The following KDM4C variants were observed in gnomAD, a reference collection of about 807,000 sequenced individuals.
KDM4C encodes the protein lysine demethylase 4C, also known as lysine-specific demethylase 4C.
In KDM4C, 81 loss-of-function variants were observed where a neutral mutation model predicts 129.3. That is an observed-to-expected ratio of 0.63 (90% CI 0.52 to 0.75). The LOEUF is 0.75. Ranked by LOEUF, KDM4C falls within the 30% of genes least tolerant of loss-of-function variation. KDM4C has a pLI of 0.00. For missense variants in KDM4C, 1,457 were observed against 1,304.0 expected (o/e 1.12, Z -1.81); for synonymous variants, 573 against 456.1 (o/e 1.26, Z -3.26).
chr9:7,137,919 C>T (rs981355378), intron 19 of KDM4C, among the ~76,000 whole-genome samples: 1 of 152,166 alleles, frequency 6.6e-6, no homozygotes, highest in Non-Finnish European at 1.5e-5. Flanking sequence ...GATTCTTATT[C>T]GATAGATATA....
intron 4 of KDM4C, among the ~76,000 whole-genome samples, chr9:6,815,420 G>A (rs546290504): frequency 6.6e-6 from 1 of 151,768 alleles, no homozygotes; most frequent in South Asian, 2.1e-4. Flanking sequence ...TCAGTATATT[G>A]CCCTGGCTGG....
At chr9:7,088,278 A>T (rs920193319) in intron 17 of KDM4C, among the ~76,000 whole-genome samples, 3 of 152,248 alleles carry the variant, frequency 2.0e-5, no homozygotes, top group African/African-American at 7.2e-5. Context: ...AATGGGACCT[A>T]GGAGAAATGC....
chr9:7,021,585 G>A (rs1824870542), intron 15 of KDM4C, among the ~76,000 whole-genome samples: 1 of 152,102 alleles, frequency 6.6e-6, no homozygotes, highest in African/African-American at 2.4e-5. Context: ...TGGGTAGTTT[G>A]CAAATGTTTT....
chr9:6,766,280 C>G (rs1820609459), intron 1 of KDM4C, among the ~76,000 whole-genome samples: 1 of 152,076 alleles, frequency 6.6e-6, no homozygotes, highest in Non-Finnish European at 1.5e-5. Context: ...CTTTGAGTGT[C>G]ATGTTTGCCC....
At position 7,127,963 on chromosome 9, in the gene KDM4C, G is replaced by T. The variant is rs1053487792; in HGVS notation, c.2611-103G>T. On this transcript the variant is annotated intron_variant, in intron 18 of 21. Coordinates refer to ENST00000381309, the MANE Select transcript of KDM4C (RefSeq NM_015061.6). ...TTAAAAATTTTTTTTTTAAATCTTG[G>T]CCAAATAAATGATTGTTTTTCAAAT... 1.0e-5 allele frequency: 11 copies of T among 1,071,840 alleles called. No individual in the cohort carries two copies. In the Admixed American group the frequency reaches 1.2e-4, roughly 11 times the overall value. The allele number at this position is 1,071,840 out of a possible 1,614,324, so 66.4% of individuals were successfully genotyped here. A position where few individuals can be genotyped will look rare whatever the true frequency, so the allele number is the denominator to read the frequency against.
intron 4 of KDM4C, among the ~76,000 whole-genome samples, chr9:6,827,948 T>C (rs1005807761): frequency 1.3e-5 from 2 of 152,210 alleles, no homozygotes; most frequent in African/African-American, 2.4e-5. Context: ...ACAGCTTTAT[T>C]GGTCACATTG....
At chr9:7,156,646 A>G (rs1299107936) in intron 19 of KDM4C, among the ~76,000 whole-genome samples, 3 of 152,202 alleles carry the variant, frequency 2.0e-5, no homozygotes, top group African/African-American at 7.2e-5. Flanking sequence ...CAGGTTTGTC[A>G]AAGATCAGAT....
chr9:7,014,915 A>AACACACACACAC (rs55864882), intron 14 of KDM4C, among the ~76,000 whole-genome samples: 218 of 146,276 alleles, frequency 1.5e-3, no homozygotes, highest in African/African-American at 4.2e-3. Context: ...GGCAATTTGT[A>AACACACACACAC]ACACACACAC....
At chr9:7,138,174 T>C (rs187053514) in intron 19 of KDM4C, among the ~76,000 whole-genome samples, 35 of 152,304 alleles carry the variant, frequency 2.3e-4, no homozygotes, top group African/African-American at 7.7e-4. Context: ...TTTTTGTCCT[T>C]CAGTTTCTAA....
At chr9:7,158,345 T>C (rs1843414454) in intron 19 of KDM4C, among the ~76,000 whole-genome samples, 1 of 152,008 alleles carries the variant, frequency 6.6e-6, no homozygotes, top group Admixed American at 6.6e-5. Flanking sequence ...GGGTTTTTTG[T>C]GTCTCTATCT....
At chr9:6,966,144 C>G (rs967744157) in intron 8 of KDM4C, among the ~76,000 whole-genome samples, 3 of 152,048 alleles carry the variant, frequency 2.0e-5, no homozygotes, top group African/African-American at 7.2e-5. Context: ...ATTTAGACAC[C>G]TTAAGATTAA....
Position 6,971,451 on chromosome 9 carries a change from A to G in KDM4C, c.922-9474A>G, listed in dbSNP as rs562549518. ...TGGACTGATCAATGAATCTCTGTAG[A>G]GTAAAAATACACCTGATCGTACCAA... On this transcript the variant is annotated intron_variant, in intron 8 of 21. Coordinates refer to ENST00000381309, the MANE Select transcript of KDM4C (RefSeq NM_015061.6). Among the ~76,000 whole-genome samples the G allele has an allele frequency of 4.7e-3, 713 of 152,322 alleles. 6 individuals carry two copies. The highest frequency in any genetic ancestry group is 8.1e-3 in the Non-Finnish European group (550 of 68,032).
intron 8 of KDM4C, among the ~76,000 whole-genome samples, chr9:6,902,093 G>T (rs1297734109): frequency 6.6e-6 from 1 of 152,142 alleles, no homozygotes; most frequent in Non-Finnish European, 1.5e-5. Flanking sequence ...GGGTTCTTCT[G>T]CATCTTCTAT....
At chr9:7,097,982 G>A (rs1295721057) in intron 17 of KDM4C, among the ~76,000 whole-genome samples, 1 of 152,182 alleles carries the variant, frequency 6.6e-6, no homozygotes, top group Non-Finnish European at 1.5e-5. Context: ...GGCTTAAAAG[G>A]TGCTTCCGCA....
chr9:6,843,194 G>C (rs1013696075), intron 4 of KDM4C, among the ~76,000 whole-genome samples: 8 of 152,190 alleles, frequency 5.3e-5, no homozygotes, highest in Non-Finnish European at 1.2e-4. Context: ...CTCCCAAAGT[G>C]CTGGGATTAC....
intron 17 of KDM4C, among the ~76,000 whole-genome samples, chr9:7,057,627 A>AT (rs113788704): frequency 0.12 from 18,065 of 152,156 alleles, 1,356 homozygotes; most frequent in African/African-American, 0.2. Context: ...CTCTTAAGTG[A>AT]TTTTTCCCCC....
At chr9:6,905,295 A>G (rs570809206) in intron 8 of KDM4C, among the ~76,000 whole-genome samples, 1 of 152,256 alleles carries the variant, frequency 6.6e-6, no homozygotes, top group South Asian at 2.1e-4. Flanking sequence ...CTATGAAGAA[A>G]CACTTCTAAA....
intron 17 of KDM4C, among the ~76,000 whole-genome samples, chr9:7,099,019 G>A (rs1836780343): frequency 6.6e-6 from 1 of 152,202 alleles, no homozygotes; most frequent in African/African-American, 2.4e-5. Flanking sequence ...GCCAAACATT[G>A]TTCCCTGTTT....
rs147519567 is a variant in KDM4C at position 7,138,997 on chromosome 9, C to T, written c.2781+10761C>T. On this transcript the variant is annotated intron_variant, in intron 19 of 21. Coordinates refer to ENST00000381309, the MANE Select transcript of KDM4C (RefSeq NM_015061.6). Reference sequence around the variant, plus strand: ...CCTTTAATTAATAATCTAGGCCAGGCGCAGTGGCTGACACCTGGAATCCCA... The same window carrying T: ...CCTTTAATTAATAATCTAGGCCAGGTGCAGTGGCTGACACCTGGAATCCCA... 3.5e-3 allele frequency among the ~76,000 whole-genome samples: 537 copies of T among 152,204 alleles called. 6 individuals are homozygous for T. Among genetic ancestry groups the T allele is most frequent in the African/African-American group, 0.012 (508 of 41,536 alleles).
Sources: gnomAD v4.1 joint callset for allele counts (sites outside exome capture counted in the v4.1 genomes callset) on GRCh38, gnomAD v4.1.1 for gene constraint, MANE v1.5 for transcripts, NCBI Gene and HGNC (gene_info 2026-07-23, HGNC 2026-07-21) for gene names.